Variants in TLK1 observed in about 807,000 individuals in gnomAD.
TLK1 encodes the protein tousled like kinase 1.
A neutral mutation model predicts 105.3 loss-of-function variants in TLK1; 24 were observed. That is an observed-to-expected ratio of 0.23 (90% confidence interval 0.17 to 0.32). The LOEUF is 0.32. TLK1 is among the 10% of genes least tolerant of loss of function. TLK1 has a pLI of 1.00. For missense variants in TLK1, 558 were observed against 910.5 expected (o/e 0.61, Z 4.98); for synonymous variants, 321 against 310.4 (o/e 1.03, Z -0.36).
At chr2:171,141,842 A>AAAATC (rs1195020802) in intron 1 of TLK1, among the ~76,000 whole-genome samples, 1 of 151,436 alleles carries the variant, frequency 6.6e-6, no homozygotes. Context: ...TTTCAGAGAG[A>AAAATC]AAATCAACCC....
Position 171,160,291 on chromosome 2 carries a change from T to G in TLK1, c.138A>C (p.Glu46Asp), listed in dbSNP as rs368698147. Residue 46 changes from glutamate (E) to aspartate (D), a missense_variant and splice_region_variant, in exon 1 of 21, where the codon GAA becomes GAC. Around this residue, in one of 5 missense-constraint regions of TLK1, gnomAD observed 104 missense variants for 116.0 expected, o/e 0.90. Transcript: ENST00000431350. The surrounding 1 kb of genome is among the most constrained non-coding windows in gnomAD (Gnocchi z 4.4). ...NHTPPSGRPR[E>D]GAMDELHSLD... Reference sequence around the variant, plus strand: ...GGGCGCGGGCGCGGCGGTGCTTACCTTCCCTGGGCCTCCCGGATGGCGGCG... The same window carrying G: ...GGGCGCGGGCGCGGCGGTGCTTACCGTCCCTGGGCCTCCCGGATGGCGGCG... The G allele has an allele frequency of 3.8e-6, 6 of 1,561,828 alleles. No individual in the cohort carries two copies. The highest frequency in any genetic ancestry group is 5.2e-6 in the Non-Finnish European group (6 of 1,158,754).
rs73027263 is a variant in TLK1 at position 171,048,722 on chromosome 2, T to C, written c.980+1092A>G. On this transcript the variant is annotated intron_variant, in intron 10 of 20. Coordinates refer to ENST00000431350, the MANE Select transcript of TLK1 (RefSeq NM_012290.5). ...TTGAAGAAAAGTTGAATAAATCTGCTGAGAGAGAAGGCCATTCTGTGGCAA... is the reference window on the plus strand; with the variant it reads ...TTGAAGAAAAGTTGAATAAATCTGCCGAGAGAGAAGGCCATTCTGTGGCAA... 9.3e-3 allele frequency among the ~76,000 whole-genome samples: 1,412 copies of C among 152,346 alleles called. 16 individuals carry two copies. Among genetic ancestry groups the C allele is most frequent in the Middle Eastern group, 0.044 (13 of 294 alleles).
chr2:171,121,543 C>G (rs1295816563), intron 1 of TLK1, among the ~76,000 whole-genome samples: 1 of 152,126 alleles, frequency 6.6e-6, no homozygotes, highest in Non-Finnish European at 1.5e-5. Flanking sequence ...ATAATACTTA[C>G]AAGTTCTTAA....
intron 2 of TLK1, among the ~76,000 whole-genome samples, chr2:171,112,078 A>G (rs1690201102): frequency 6.6e-6 from 1 of 152,094 alleles, no homozygotes; most frequent in Non-Finnish European, 1.5e-5. Flanking sequence ...CAGCCTCCCA[A>G]GTAGCTGGGA....
intron 3 of TLK1, chr2:171,081,671 T>C: frequency 1.5e-6 from 2 of 1,304,270 alleles, no homozygotes; most frequent in Non-Finnish European, 2.0e-6. Context: ...TAAAGTCCCG[T>C]CACTTGCACA....
At chr2:171,221,606 G>A (rs774613142) in intron 1 of TLK1, among the ~76,000 whole-genome samples, 92 of 152,076 alleles carry the variant, frequency 6.0e-4, no homozygotes, top group Non-Finnish European at 2.1e-4. Flanking sequence ...ATATTTCTCA[G>A]CTCAGGCTGC....
At chr2:171,169,808 C>G (rs75331625) in intron 1 of TLK1, among the ~76,000 whole-genome samples, 4 of 152,116 alleles carry the variant, frequency 2.6e-5, no homozygotes, top group Admixed American at 6.6e-5. Flanking sequence ...AAAAACAAAA[C>G]GTTTGGTGCC....
chr2:171,102,291 G>C (rs1025240), intron 2 of TLK1, among the ~76,000 whole-genome samples: 59,317 of 151,988 alleles, frequency 0.39, 12,954 homozygotes, highest in African/African-American at 0.57. Flanking sequence ...TTCTTTCTGA[G>C]ACATTTAGTT....
At chr2:171,182,935 A>AAAGAAAGAAAGAAGGAAAGATAG (rs58968031) in intron 1 of TLK1, among the ~76,000 whole-genome samples, 1 of 128,780 alleles carries the variant, frequency 7.8e-6, no homozygotes, top group African/African-American at 3.6e-5. Context: ...AAAAAAAAAA[A>AAAGAAAGAAAGAAGGAAAGATAG]AAAGAAAGAA....
At chr2:171,036,553 A>G (rs1686348227) in intron 11 of TLK1, among the ~76,000 whole-genome samples, 3 of 152,326 alleles carry the variant, frequency 2.0e-5, no homozygotes, top group Admixed American at 2.0e-4. Flanking sequence ...ATCCAAATGG[A>G]GTTTGAATGG....
chr2:171,012,060 C>T (rs1013586050), intron 13 of TLK1, among the ~76,000 whole-genome samples: 5 of 151,592 alleles, frequency 3.3e-5, no homozygotes, highest in Admixed American at 2.0e-4. Flanking sequence ...GAAGTGTTTC[C>T]GATTTGGGAG....
At chr2:171,076,750 A>AG (rs1205668274) in intron 3 of TLK1, among the ~76,000 whole-genome samples, 1 of 151,252 alleles carries the variant, frequency 6.6e-6, no homozygotes, top group African/African-American at 2.4e-5. Flanking sequence ...AAAAAAAAAA[A>AG]AAAATACAAA....
chr2:171,060,445 G>A (rs1687699034), intron 4 of TLK1, among the ~76,000 whole-genome samples: 1 of 152,092 alleles, frequency 6.6e-6, no homozygotes, highest in South Asian at 2.1e-4. Context: ...ACACCAGTAA[G>A]TCATGGGTTC....
chr2:171,095,876 A>C (rs1689431695), intron 2 of TLK1, among the ~76,000 whole-genome samples: 1 of 152,178 alleles, frequency 6.6e-6, no homozygotes, highest in African/African-American at 2.4e-5. Context: ...CCAACATAAT[A>C]AAGGCAATAA....
At position 171,050,083 on chromosome 2, in the gene TLK1, T is replaced by C; in HGVS notation, c.824A>G (p.Lys275Arg). The C allele has an allele frequency of 1.9e-6, 3 of 1,602,542 alleles. No individual in the cohort carries two copies. The highest frequency in any genetic ancestry group is 2.6e-6 in the Non-Finnish European group (3 of 1,172,852). ...GCCTACCTTTTCAATAAGAAGTTTCTTGCTCATTGATATGCACTTATTTAA... is the reference window on the plus strand; with the variant it reads ...GCCTACCTTTTCAATAAGAAGTTTCCTGCTCATTGATATGCACTTATTTAA... ...ERLNKCISMSKKLLIEKSTQE... is the reference protein window; with the variant it reads ...ERLNKCISMSRKLLIEKSTQE... Residue 275 changes from lysine (K) to arginine (R), a missense_variant, in exon 9 of 21, where the codon AAG becomes AGG. Lys to Arg is a conservative substitution (Grantham distance 26, BLOSUM62 2). Coordinates refer to ENST00000431350, the MANE Select transcript of TLK1 (RefSeq NM_012290.5).
intron 10 of TLK1, among the ~76,000 whole-genome samples, chr2:171,048,662 C>G (rs781609191): frequency 3.1e-5 from 1 of 32,458 alleles, no homozygotes; most frequent in Admixed American, 4.9e-4. Flanking sequence ...GGACATTATC[C>G]TTTGTTTCAC....
chr2:171,144,992 A>T (rs1691732416), intron 1 of TLK1, among the ~76,000 whole-genome samples: 1 of 152,188 alleles, frequency 6.6e-6, no homozygotes, highest in South Asian at 2.1e-4. Context: ...TCATCAGGGA[A>T]ATGAAAAATT....
At chr2:171,223,307 T>G (rs1008205220) in intron 1 of TLK1, among the ~76,000 whole-genome samples, 1 of 152,156 alleles carries the variant, frequency 6.6e-6, no homozygotes, top group Non-Finnish European at 1.5e-5. Flanking sequence ...CTCACCAGCA[T>G]CCATTATTTT....
intron 3 of TLK1, 99 bp from the exon 4 acceptor site, chr2:171,061,255 T>A: frequency 9.8e-7 from 1 of 1,019,594 alleles, no homozygotes; most frequent in Non-Finnish European, 1.5e-6. Flanking sequence ...AAAAATAGCA[T>A]TCAGTAGTGC....
Sources: allele counts gnomAD v4.1 joint callset (sites outside exome capture counted in the v4.1 genomes callset), GRCh38; gene constraint gnomAD v4.1.1; regional missense constraint gnomAD v4.1.1; non-coding constraint Gnocchi (gnomAD v3.1); transcripts MANE v1.5; gene names NCBI Gene and HGNC (gene_info 2026-07-23, HGNC 2026-07-21).